Variants in PSMD5 observed in about 807,000 individuals in gnomAD.
The protein encoded by PSMD5 is 26S proteasome non-ATPase regulatory subunit 5.
A neutral mutation model predicts 52.1 loss-of-function variants in PSMD5; 40 were observed. That is an observed-to-expected ratio of 0.77 (90% CI 0.60 to 1.00). The LOEUF (loss-of-function observed/expected upper bound fraction) is 1.00. PSMD5 is among the 50% of genes least tolerant of loss of function. PSMD5 has a pLI of 0.00. For missense variants in PSMD5, 575 were observed against 605.2 expected, an observed-to-expected ratio of 0.95 and a Z score of 0.52; for synonymous variants, 211 against 226.6, an observed-to-expected ratio of 0.93 and a Z score of 0.62.
intron 1 of PSMD5, chr9:120,842,489 A>G: frequency 1.8e-6 from 1 of 557,874 alleles, no homozygotes; most frequent in Non-Finnish European, 3.2e-6. Context: ...TTGATGAAGA[A>G]GGCAGTGCCT....
At chr9:120,833,977 T>C (rs1234291311) in intron 1 of PSMD5, among the ~76,000 whole-genome samples, 23 of 93,586 alleles carry the variant, frequency 2.5e-4, no homozygotes, top group Non-Finnish European at 4.0e-4. Context: ...CACCTGGCCT[T>C]TTTTTTTTTT....
In PSMD5 at chr9:120,821,548, T is replaced by A. The variant is rs973691104; in HGVS notation, c.1007-84A>T. 61 of 938,924 alleles carry A rather than the reference T, an allele frequency of 6.5e-5. 1 individual carries two copies. The East Asian group carries it at 1.4e-3, about 22-fold the overall frequency. 58.2% of individuals were successfully genotyped at this position (938,924 alleles called of 1,614,324 possible). A position where few individuals can be genotyped will look rare whatever the true frequency, so the allele number is the denominator to read the frequency against. The stretch of plus-strand genomic sequence containing the variant: ...TTTACCATTTTAACCATTTTTAGTG[T>A]ATAGTTCAGTGCTATTAAGTACATT... On this transcript the variant is annotated intron_variant, in intron 7 of 9. Transcript: ENST00000210313.
At chr9:120,819,445 G>A (rs2045067594) in intron 9 of PSMD5, among the ~76,000 whole-genome samples, 5 of 152,326 alleles carry the variant, frequency 3.3e-5, no homozygotes, top group Admixed American at 2.0e-4. Context: ...TAAGGTAGAA[G>A]AGCAAAACCA....
intron 4 of PSMD5, among the ~76,000 whole-genome samples, chr9:120,829,676 A>T (rs924870376): frequency 3.5e-4 from 54 of 152,198 alleles, no homozygotes; most frequent in African/African-American, 1.3e-3. Flanking sequence ...GATTACAGGC[A>T]TGAGCCACCA....
intron 1 of PSMD5, among the ~76,000 whole-genome samples, chr9:120,838,049 C>G (rs560956213): frequency 3.4e-4 from 52 of 152,180 alleles, no homozygotes; most frequent in Non-Finnish European, 6.0e-4. Flanking sequence ...CCCTTCCCCC[C>G]ATGTCTGGCC....
rs957735761 is a variant in PSMD5, at chr9:120,840,358, G to A, written c.173+2379C>T. On this transcript the variant is annotated intron_variant, in intron 1 of 9. Coordinates refer to ENST00000210313, the MANE Select transcript of PSMD5 (RefSeq NM_005047.4). ...TGGTCTCAAACTCCAAAGCTCAAGCGATCCACCCGCCTCAGCCTCCCAAAG... is the reference window on the plus strand; with the variant it reads ...TGGTCTCAAACTCCAAAGCTCAAGCAATCCACCCGCCTCAGCCTCCCAAAG... 2.6e-5 allele frequency among the ~76,000 whole-genome samples: 4 copies of A among 151,710 alleles called. No homozygotes were observed. In the East Asian group the frequency reaches 7.7e-4, roughly 29 times the overall value.
chr9:120,838,025 T>TC (rs1252852836), intron 1 of PSMD5, among the ~76,000 whole-genome samples: 1 of 152,182 alleles, frequency 6.6e-6, no homozygotes, highest in Non-Finnish European at 1.5e-5. Flanking sequence ...AATGTATGAC[T>TC]CCATTTGTAT....
intron 1 of PSMD5, among the ~76,000 whole-genome samples, chr9:120,835,510 A>C (rs537045166): frequency 6.6e-6 from 1 of 152,224 alleles, no homozygotes; most frequent in African/African-American, 2.4e-5. Flanking sequence ...GGGTCACCTG[A>C]GGTCAGGAGT....
At chr9:120,825,723 T>C (rs1416770756) in intron 6 of PSMD5, among the ~76,000 whole-genome samples, 1 of 152,182 alleles carries the variant, frequency 6.6e-6, no homozygotes, top group African/African-American at 2.4e-5. Flanking sequence ...CAGAGTTCAC[T>C]GTTAGTGTAT....
At chr9:120,827,590 A>G (rs1416142583) in intron 5 of PSMD5, among the ~76,000 whole-genome samples, 1 of 152,232 alleles carries the variant, frequency 6.6e-6, no homozygotes, top group Non-Finnish European at 1.5e-5. Flanking sequence ...AATTTGATAC[A>G]ATGCTAAAAA....
intron 1 of PSMD5, among the ~76,000 whole-genome samples, chr9:120,840,943 G>A (rs1002428724): frequency 4.0e-5 from 6 of 150,034 alleles, no homozygotes; most frequent in East Asian, 2.0e-4. Context: ...TAGTAGAGAC[G>A]GAGTTTCACC....
intron 4 of PSMD5, among the ~76,000 whole-genome samples, chr9:120,831,026 T>C (rs1342301783): frequency 1.3e-5 from 2 of 152,090 alleles, no homozygotes; most frequent in Admixed American, 1.3e-4. Flanking sequence ...TGGGACGACA[T>C]GCACATACCA....
chr9:120,817,858 G>A lies in PSMD5; in HGVS notation c.*48C>T. On this transcript the variant is annotated 3_prime_UTR_variant, in exon 10 of 10. Transcript: ENST00000210313. ...ATATAGATGGAGTCAAATGCCTTAG[G>A]AGAAGTTTTGGTCAAAACGTGGTCC... is the stretch of plus-strand genomic sequence containing the variant. 6.5e-7 allele frequency: 1 copy of A among 1,549,806 alleles called. No homozygotes were observed. The highest frequency in any genetic ancestry group is 1.2e-5 in the South Asian group (1 of 82,826).
At chr9:120,840,696 C>T (rs865886887) in intron 1 of PSMD5, among the ~76,000 whole-genome samples, 7 of 150,654 alleles carry the variant, frequency 4.6e-5, no homozygotes, top group African/African-American at 1.7e-4. Flanking sequence ...CTCGTCTCAC[C>T]GCAACCTCTG....
At chr9:120,819,327 A>G (rs2045066831) in intron 9 of PSMD5, among the ~76,000 whole-genome samples, 1 of 152,234 alleles carries the variant, frequency 6.6e-6, no homozygotes. Flanking sequence ...TGTTTGAGAA[A>G]CTTTGGCCTG....
intron 7 of PSMD5, among the ~76,000 whole-genome samples, chr9:120,823,048 C>T (rs1290417174): frequency 1.3e-5 from 2 of 151,100 alleles, no homozygotes; most frequent in African/African-American, 2.4e-5. Flanking sequence ...TGGGCTCAAA[C>T]GATCCTCCCG....
intron 1 of PSMD5, among the ~76,000 whole-genome samples, chr9:120,836,111 T>G (rs758924518): frequency 7.2e-5 from 11 of 152,238 alleles, no homozygotes; most frequent in South Asian, 2.1e-4. Flanking sequence ...TATCCTTTTG[T>G]GTCTGGTTTA....
chr9:120,820,691 CCTTA>C (rs2045077422), intron 9 of PSMD5, 144 bp downstream of exon 9: 3 of 702,648 alleles, frequency 4.3e-6, no homozygotes, highest in African/African-American at 3.6e-5. Context: ...ACATCTGTCT[CCTTA>C]CTTAGTCTCT....
chr9:120,838,952 T>A (rs2045216001), intron 1 of PSMD5, among the ~76,000 whole-genome samples: 1 of 152,248 alleles, frequency 6.6e-6, no homozygotes, highest in Non-Finnish European at 1.5e-5. Context: ...CACAGAGAAC[T>A]ATAACATAGG....
Sources: gnomAD v4.1 joint callset for allele counts (sites outside exome capture counted in the v4.1 genomes callset) on GRCh38, gnomAD v4.1.1 for gene constraint, MANE v1.5 for transcripts, NCBI Gene and HGNC (gene_info 2026-07-23, HGNC 2026-07-21) for gene names.